PSTPIP2: variants seen among roughly 807,000 people sequenced by gnomAD.
The protein encoded by PSTPIP2 is proline-serine-threonine phosphatase-interacting protein 2.
In PSTPIP2, 33 loss-of-function variants were observed where a neutral mutation model predicts 63.3. The ratio of observed to expected loss-of-function variants is 0.52; its 90% CI spans 0.40 to 0.70. The LOEUF (loss-of-function observed/expected upper bound fraction) is 0.70. PSTPIP2 is among the 30% of genes least tolerant of loss of function. The pLI is 0.00. For synonymous variants in PSTPIP2, 125 were observed against 132.7 expected (o/e 0.94, Z 0.40); for missense variants, 312 against 400.7 (o/e 0.78, Z 1.89).
intron 1 of PSTPIP2, among the ~76,000 whole-genome samples, chr18:46,044,414 T>C (rs936727885): frequency 2.6e-5 from 4 of 152,160 alleles, no homozygotes; most frequent in African/African-American, 9.7e-5. Flanking sequence ...GGGAAAGGAT[T>C]CCCTATTTAA....
chr18:46,066,398 G>C (rs568355628), intron 1 of PSTPIP2, among the ~76,000 whole-genome samples: 2 of 152,248 alleles, frequency 1.3e-5, no homozygotes, highest in African/African-American at 2.4e-5. Flanking sequence ...TTCTTGAGTA[G>C]CTAATAATCT....
chr18:45,999,571 AAC>A (rs2051641383), intron 6 of PSTPIP2, 37 bp from the exon 7 acceptor site: 1 of 1,607,446 alleles, frequency 6.2e-7, no homozygotes, highest in Non-Finnish European at 8.5e-7. Flanking sequence ...AAAACAAATG[AAC>A]AGAGTGTAAC....
At chr18:46,001,544 C>A (rs1293040980) in intron 6 of PSTPIP2, among the ~76,000 whole-genome samples, 2 of 151,950 alleles carry the variant, frequency 1.3e-5, no homozygotes, top group African/African-American at 4.8e-5. Context: ...CCCATTGTAA[C>A]CACTGTAAGT....
chr18:46,067,298 C>G (rs1469754025), intron 1 of PSTPIP2, among the ~76,000 whole-genome samples: 3 of 151,736 alleles, frequency 2.0e-5, no homozygotes, highest in East Asian at 2.0e-4. Context: ...ATCAGGAGAT[C>G]GAGACCATCC....
chr18:46,052,245 C>G (rs775005769), intron 1 of PSTPIP2, among the ~76,000 whole-genome samples: 1 of 152,206 alleles, frequency 6.6e-6, no homozygotes, highest in Non-Finnish European at 1.5e-5. Context: ...CATTGCTTCA[C>G]CAGCTGACTT....
chr18:46,013,882 C>G (rs1281953122), intron 4 of PSTPIP2, among the ~76,000 whole-genome samples: 1 of 152,120 alleles, frequency 6.6e-6, no homozygotes, highest in Non-Finnish European at 1.5e-5. Flanking sequence ...CTTTCTATTT[C>G]CTTTCTAAAT....
rs143746786 is a variant in PSTPIP2, at chr18:46,025,306, T to C, written c.135-620A>G. On this transcript the variant is annotated intron_variant, in intron 2 of 14. Transcript: ENST00000409746. The stretch of plus-strand genomic sequence containing the variant: ...CTTTTTTCTTCAGATTTAAAAAAAT[T>C]ATATAAGTAATAAATGAATATATCC... 2.7e-3 allele frequency among the ~76,000 whole-genome samples: 418 copies of C among 152,252 alleles called. 5 individuals carry two copies. Among genetic ancestry groups the C allele is most frequent in the African/African-American group, 9.6e-3 (400 of 41,530 alleles).
At position 46,007,227 on chromosome 18, in the gene PSTPIP2, G is replaced by A. The variant is rs555602703; in HGVS notation, c.355-1696C>T. On this transcript the variant is annotated intron_variant, in intron 5 of 14. Transcript: ENST00000409746. ...TGTTAGAAGAATTTTGAAGATATCCGGAAGGAATATTGGGAATGGTCTCAC... is the reference window on the plus strand; with the variant it reads ...TGTTAGAAGAATTTTGAAGATATCCAGAAGGAATATTGGGAATGGTCTCAC... Among the ~76,000 whole-genome samples the A allele has an allele frequency of 4.6e-5, 7 of 152,314 alleles. No individual in the cohort carries two copies. In the South Asian group the frequency reaches 1.2e-3, roughly 27 times the overall value.
chr18:46,061,741 C>T (rs12963615), intron 1 of PSTPIP2, among the ~76,000 whole-genome samples: 64,896 of 152,000 alleles, frequency 0.43, 15,021 homozygotes, highest in Middle Eastern at 0.56. Context: ...ACTTTTTATT[C>T]CTGAGAGCTT....
chr18:46,003,343 T>G (rs2051689206), intron 6 of PSTPIP2, among the ~76,000 whole-genome samples: 2 of 152,140 alleles, frequency 1.3e-5, no homozygotes, highest in Admixed American at 1.3e-4. Context: ...GGTCCCCTAT[T>G]TGTTCTCTGT....
chr18:46,005,378 AT>A, intron 6 of PSTPIP2, 90 bp downstream of exon 6: 1 of 1,071,456 alleles, frequency 9.3e-7, no homozygotes, highest in Non-Finnish European at 1.3e-6. Context: ...CATTTTTGAA[AT>A]GTTATTTGAG....
At chr18:45,994,796 C>T (rs753225951) in intron 9 of PSTPIP2, among the ~76,000 whole-genome samples, 9 of 151,936 alleles carry the variant, frequency 5.9e-5, no homozygotes, top group Admixed American at 1.3e-4. Flanking sequence ...ATTATTTCAC[C>T]TCTAAATATT....
At chr18:46,010,381 G>C (rs563724686) in intron 5 of PSTPIP2, among the ~76,000 whole-genome samples, 8 of 152,330 alleles carry the variant, frequency 5.3e-5, no homozygotes, top group African/African-American at 1.9e-4. Flanking sequence ...GACATCTTTG[G>C]GTGCCAGATA....
intron 6 of PSTPIP2, among the ~76,000 whole-genome samples, chr18:46,000,902 A>C (rs1351719598): frequency 6.6e-6 from 1 of 151,802 alleles, no homozygotes; most frequent in Non-Finnish European, 1.5e-5. Flanking sequence ...GCTGTGAATC[A>C]GTTAGCTAAT....
At chr18:46,068,376 C>T (rs955939523) in intron 1 of PSTPIP2, among the ~76,000 whole-genome samples, 1 of 152,132 alleles carries the variant, frequency 6.6e-6, no homozygotes, top group Non-Finnish European at 1.5e-5. Context: ...CAGCTCACTG[C>T]AAGCTCCACC....
intron 8 of PSTPIP2, 83 bp from the exon 9 acceptor site, chr18:45,997,911 C>A: frequency 8.4e-7 from 1 of 1,193,966 alleles, no homozygotes; most frequent in East Asian, 2.4e-5. Flanking sequence ...TCTCAGATGG[C>A]AAAAGAAACT....
intron 3 of PSTPIP2, among the ~76,000 whole-genome samples, chr18:46,022,414 T>C (rs574939859): frequency 6.6e-6 from 1 of 152,240 alleles, no homozygotes; most frequent in African/African-American, 2.4e-5. Flanking sequence ...AAGCTGTTGA[T>C]AGCACAGCCA....
rs199603538 is a variant in PSTPIP2 at position 45,993,664 on chromosome 18, G to A, written c.682C>T (p.Arg228Trp). ...AQECERINFFRNALWLHVNQL... is the reference protein window; with the variant it reads ...AQECERINFFWNALWLHVNQL... ...TTCACATGTAACCACAATGCATTCC[G>A]GAAGAAGTTTATTCGTTCACATTCT... Residue 228 changes from arginine (R) to tryptophan (W), a missense_variant, in exon 10 of 15, where the codon CGG (arginine) becomes TGG (tryptophan). Coordinates refer to ENST00000409746, the MANE Select transcript of PSTPIP2 (RefSeq NM_024430.4). 168 of 1,613,974 alleles carry A rather than the reference G, an allele frequency of 1.0e-4. No individual in the cohort carries two copies. The highest frequency in any genetic ancestry group is 2.7e-5 in the Non-Finnish European group (32 of 1,180,016).
intron 1 of PSTPIP2, among the ~76,000 whole-genome samples, chr18:46,059,405 C>T (rs1012776387): frequency 2.0e-5 from 3 of 152,036 alleles, no homozygotes; most frequent in East Asian, 3.9e-4. Flanking sequence ...CCTGCTACCA[C>T]GCCCAGCTAA....
Sources: allele counts gnomAD v4.1 joint callset (sites outside exome capture counted in the v4.1 genomes callset), GRCh38; gene constraint gnomAD v4.1.1; transcripts MANE v1.5; gene names NCBI Gene and HGNC (gene_info 2026-07-23, HGNC 2026-07-21).